Variants in KHDRBS2 observed in about 807,000 individuals in gnomAD.
The protein encoded by KHDRBS2 is KH domain-containing, RNA-binding, signal transduction-associated protein 2.
KHDRBS2 carries 26 observed loss-of-function variants against 44.3 expected under a neutral mutation model. The observed-to-expected ratio is 0.59, with a 90% CI of 0.43 to 0.81. The LOEUF (loss-of-function observed/expected upper bound fraction) is 0.81, where lower values mean the gene tolerates loss of function less well. Ranked by LOEUF, KHDRBS2 falls within the 40% of genes least tolerant of loss-of-function variation. The pLI, the probability that KHDRBS2 is intolerant of heterozygous loss-of-function variation, is 0.00. For synonymous variants in KHDRBS2, 194 were observed against 151.1 expected (o/e 1.28, Z -2.08); for missense variants, 476 against 433.1 (o/e 1.10, Z -0.88).
chr6:62,265,416 A>ATGTCTG (rs1839027288), intron 1 of KHDRBS2, among the ~76,000 whole-genome samples: 1 of 151,786 alleles, frequency 6.6e-6, no homozygotes, highest in Non-Finnish European at 1.5e-5. Flanking sequence ...GAGTGTGTGT[A>ATGTCTG]TGTCTGTGTA....
chr6:62,282,288 T>C (rs1311254502), intron 1 of KHDRBS2, among the ~76,000 whole-genome samples: 4 of 152,184 alleles, frequency 2.6e-5, no homozygotes, highest in Admixed American at 6.5e-5. Flanking sequence ...CAAGTCTAGA[T>C]GGCAGGTCAA....
chr6:61,894,332 T>C (rs759048581), intron 6 of KHDRBS2, among the ~76,000 whole-genome samples: 1 of 152,190 alleles, frequency 6.6e-6, no homozygotes, highest in Non-Finnish European at 1.5e-5. Flanking sequence ...TCTGAATACA[T>C]GGCAATTCAC....
intron 2 of KHDRBS2, 99 bp downstream of exon 2, chr6:62,177,086 G>A (rs1401502298): frequency 2.7e-6 from 2 of 749,542 alleles, no homozygotes; most frequent in African/African-American, 1.8e-5. Context: ...ACATTATGAA[G>A]CTTCAAATAT....
intron 3 of KHDRBS2, among the ~76,000 whole-genome samples, chr6:62,046,918 G>T (rs1787826286): frequency 6.6e-6 from 1 of 151,826 alleles, no homozygotes; most frequent in Non-Finnish European, 1.5e-5. Context: ...CCCAAATGGA[G>T]AGTTTTGCTA....
intron 6 of KHDRBS2, among the ~76,000 whole-genome samples, chr6:61,739,784 G>C (rs1487731134): frequency 6.6e-6 from 1 of 151,884 alleles, no homozygotes; most frequent in East Asian, 1.9e-4. Context: ...GACTTGGGAA[G>C]AGGTGAACAT....
chr6:61,561,186 A>ACTCTCT, the KHDRBS2 span, among the ~76,000 whole-genome samples: 1 of 148,552 alleles, frequency 6.7e-6, no homozygotes, highest in East Asian at 2.0e-4. Context: ...ATAAATGGAG[A>ACTCTCT]CTCTCTCTCT....
At chr6:61,568,260 A>G in the KHDRBS2 span, among the ~76,000 whole-genome samples, 6 of 152,290 alleles carry the variant, frequency 3.9e-5, no homozygotes, top group African/African-American at 1.4e-4. Context: ...TGATAATTTG[A>G]AGACAAGTAA....
At chr6:61,791,257 C>CT (rs971601477) in intron 6 of KHDRBS2, among the ~76,000 whole-genome samples, 4 of 150,918 alleles carry the variant, frequency 2.7e-5, no homozygotes, top group African/African-American at 9.7e-5. Flanking sequence ...TTTCATTATT[C>CT]TTTTTTTCTT....
At chr6:62,100,508 G>A (rs1171142887) in intron 2 of KHDRBS2, among the ~76,000 whole-genome samples, 1 of 152,098 alleles carries the variant, frequency 6.6e-6, no homozygotes, top group South Asian at 2.1e-4. Context: ...TTCATAAGAG[G>A]AAGAGGCAAG....
intron 3 of KHDRBS2, among the ~76,000 whole-genome samples, chr6:62,003,912 A>G (rs1178598394): frequency 6.6e-6 from 1 of 152,232 alleles, no homozygotes; most frequent in Non-Finnish European, 1.5e-5. Flanking sequence ...TATTGGGTAA[A>G]TAACAAAATG....
intron 7 of KHDRBS2, among the ~76,000 whole-genome samples, chr6:61,704,689 T>C (rs567080375): frequency 7.2e-5 from 11 of 151,958 alleles, no homozygotes; most frequent in South Asian, 4.2e-4. Flanking sequence ...CTTAAACAGG[T>C]CACTCTGCGG....
intron 6 of KHDRBS2, among the ~76,000 whole-genome samples, chr6:61,778,096 T>A (rs1351403911): frequency 1.3e-5 from 2 of 152,232 alleles, no homozygotes; most frequent in South Asian, 2.1e-4. Context: ...GCCAGAGCAA[T>A]CAGGCAAGAA....
intron 6 of KHDRBS2, among the ~76,000 whole-genome samples, chr6:61,761,154 A>C (rs1431719457): frequency 6.6e-6 from 1 of 152,162 alleles, no homozygotes; most frequent in Non-Finnish European, 1.5e-5. Context: ...ATTGTCTTTA[A>C]GCTTAAAATG....
chr6:62,259,809 C>T (rs1425261282), intron 1 of KHDRBS2, among the ~76,000 whole-genome samples: 3 of 151,932 alleles, frequency 2.0e-5, no homozygotes, highest in Non-Finnish European at 4.4e-5. Context: ...TTATTATTTG[C>T]ATCAATAAAG....
At chr6:61,656,076 A>C in the KHDRBS2 span, among the ~76,000 whole-genome samples, 2 of 152,030 alleles carry the variant, frequency 1.3e-5, no homozygotes, top group Non-Finnish European at 2.9e-5. Flanking sequence ...TCCACCTTTC[A>C]TTTACATAGT....
chr6:61,929,656 T>C (rs1180334348), intron 4 of KHDRBS2, among the ~76,000 whole-genome samples: 2 of 152,186 alleles, frequency 1.3e-5, no homozygotes, highest in African/African-American at 2.4e-5. Context: ...TAGTTTAGTA[T>C]GACCCTCTGA....
chr6:61,571,636 T>C, the KHDRBS2 span, among the ~76,000 whole-genome samples: 1 of 152,220 alleles, frequency 6.6e-6, no homozygotes, highest in East Asian at 1.9e-4. Flanking sequence ...ACAGGGAACA[T>C]TCTCCAAGAT....
At chr6:61,945,406 A>C (rs1813164926) in intron 4 of KHDRBS2, among the ~76,000 whole-genome samples, 1 of 151,608 alleles carries the variant, frequency 6.6e-6, no homozygotes, top group Non-Finnish European at 1.5e-5. Flanking sequence ...CCAGAGGCAG[A>C]ATTTATTACC....
the KHDRBS2 span, among the ~76,000 whole-genome samples, chr6:61,661,674 C>T: frequency 6.6e-6 from 1 of 151,740 alleles, no homozygotes; most frequent in South Asian, 2.1e-4. Flanking sequence ...AAAATACCTA[C>T]GAATCCAACT....
Sources: allele counts gnomAD v4.1 joint callset (sites outside exome capture counted in the v4.1 genomes callset), GRCh38; gene constraint gnomAD v4.1.1; transcripts MANE v1.5; gene names NCBI Gene and HGNC (gene_info 2026-07-23, HGNC 2026-07-21).